MANBA: variants seen among roughly 807,000 people sequenced by gnomAD.
MANBA encodes mannosidase beta.
MANBA carries 83 observed loss-of-function variants against 111.1 expected under a neutral mutation model. The observed-to-expected ratio is 0.75, with a 90% CI of 0.63 to 0.90. The LOEUF is 0.90. Among genes scored for constraint, MANBA ranks in the 40% least tolerant of loss-of-function variants. The pLI is 0.00. For missense variants in MANBA, 1,036 were observed against 1,069.0 expected (o/e 0.97, Z 0.43); for synonymous variants, 370 against 378.7 (o/e 0.98, Z 0.27).
Position 102,723,810 on chromosome 4 carries a change from T to C in MANBA, c.378+52A>G, listed in dbSNP as rs564258027. 5.9e-6 allele frequency: 6 copies of C among 1,020,314 alleles called. No homozygotes were observed. In the South Asian group the frequency reaches 8.3e-5, roughly 14 times the overall value. 63.2% of individuals were successfully genotyped at this position (1,020,314 alleles called of 1,614,324 possible). On this transcript the variant is annotated intron_variant, in intron 3 of 16. Transcript: ENST00000647097. ...TACTTTTCTCTACTCACAAAAGCAA[T>C]TAACATAAACACACATAAATTTTTT... is the stretch of plus-strand genomic sequence containing the variant.
rs1733050724 is a variant in MANBA, at chr4:102,701,625, G to C, written c.674-10854C>G. Among the ~76,000 whole-genome samples, 7 of 151,642 alleles carry C rather than the reference G, an allele frequency of 4.6e-5. No homozygotes were observed. The South Asian group carries it at 1.5e-3, about 32-fold the overall frequency. ...ATTTCTCCTACACTTATGAAGCTTA[G>C]TTTGGCTGGATATGAAATTCTGGGT... On this transcript the variant is annotated intron_variant, in intron 5 of 16. Coordinates refer to ENST00000647097, the MANE Select transcript of MANBA (RefSeq NM_005908.4).
intron 7 of MANBA, among the ~76,000 whole-genome samples, chr4:102,687,993 T>C (rs1732294341): frequency 6.6e-6 from 1 of 152,300 alleles, no homozygotes; most frequent in African/African-American, 2.4e-5. Context: ...CTCCTGTTGC[T>C]GCTCGATTCA....
At chr4:102,697,918 C>G (rs1340243806) in intron 5 of MANBA, among the ~76,000 whole-genome samples, 1 of 151,688 alleles carries the variant, frequency 6.6e-6, no homozygotes. Flanking sequence ...TTCTAGATCC[C>G]TGAGGAATCG....
intron 5 of MANBA, among the ~76,000 whole-genome samples, chr4:102,705,341 C>T (rs1427995201): frequency 6.6e-6 from 1 of 152,180 alleles, no homozygotes. Context: ...TAAAGCAAGG[C>T]ACCATTTTGA....
At position 102,632,205 on chromosome 4, in the gene MANBA, T is replaced by A. The variant is rs759495723; in HGVS notation, c.2492A>T (p.Asp831Val). ...TSAVAPFVWL[D>V]VGSIPGRFSD... is the part of the protein sequence containing the mutation. Reference sequence around the variant, plus strand: ...AAATCTCCCTGGGATGCTTCCTACATCCAACCAAACAAAGGGAGCGACAGC... The same window carrying A: ...AAATCTCCCTGGGATGCTTCCTACAACCAACCAAACAAAGGGAGCGACAGC... The change falls in exon 17 of 17, where the codon GAT becomes GTT. Residue 831 changes from aspartate to valine, a missense_variant. Transcript: ENST00000647097. The A allele has an allele frequency of 6.2e-7, 1 of 1,613,018 alleles. No homozygotes were observed. The highest frequency in any genetic ancestry group is 8.5e-7 in the Non-Finnish European group (1 of 1,179,570).
At chr4:102,718,560 T>C (rs1722435905) in intron 4 of MANBA, among the ~76,000 whole-genome samples, 1 of 152,044 alleles carries the variant, frequency 6.6e-6, no homozygotes, top group Admixed American at 6.5e-5. Flanking sequence ...CATCAAACAC[T>C]GGTAAGAGGG....
chr4:102,632,350 C>A, intron 16 of MANBA, 69 bp from the exon 17 acceptor site: 2 of 1,231,070 alleles, frequency 1.6e-6, no homozygotes, highest in Non-Finnish European at 2.4e-6. Context: ...GTATACAGTT[C>A]CTGTAAACAT....
intron 13 of MANBA, among the ~76,000 whole-genome samples, chr4:102,643,346 C>T (rs1729962675): frequency 6.6e-6 from 1 of 152,154 alleles, no homozygotes. Context: ...ATGAACAATG[C>T]TGCTATGAAT....
chr4:102,750,159 T>G (rs934078236), intron 1 of MANBA, among the ~76,000 whole-genome samples: 2 of 152,194 alleles, frequency 1.3e-5, no homozygotes, highest in African/African-American at 4.8e-5. Flanking sequence ...TCACACCTGA[T>G]AGAAGCAGTC....
intron 1 of MANBA, among the ~76,000 whole-genome samples, chr4:102,746,521 C>T (rs1470229443): frequency 6.6e-6 from 1 of 152,150 alleles, no homozygotes; most frequent in Non-Finnish European, 1.5e-5. Flanking sequence ...TTATTATGTT[C>T]CTTGGTTCTC....
chr4:102,689,365 T>A (rs1182613563), intron 7 of MANBA, among the ~76,000 whole-genome samples: 17 of 90,650 alleles, frequency 1.9e-4, no homozygotes, highest in African/African-American at 5.7e-4. Flanking sequence ...AAAAAATATA[T>A]ATATATATAT....
At chr4:102,683,140 A>T (rs1055243798) in intron 7 of MANBA, among the ~76,000 whole-genome samples, 8 of 152,000 alleles carry the variant, frequency 5.3e-5, no homozygotes, top group African/African-American at 1.7e-4. Flanking sequence ...TGAAGACAGG[A>T]ATTTAAGAAA....
At chr4:102,730,227 G>A (rs1227914881) in intron 1 of MANBA, 34 of 588,812 alleles carry the variant, frequency 5.8e-5, no homozygotes, top group Non-Finnish European at 8.6e-5. Flanking sequence ...CCCAGAAGGA[G>A]TGGAGAAGCT....
intron 7 of MANBA, among the ~76,000 whole-genome samples, chr4:102,684,712 T>A (rs140703723): frequency 6.6e-6 from 1 of 152,236 alleles, no homozygotes; most frequent in East Asian, 1.9e-4. Context: ...CCGAACCCCA[T>A]ATATACTATG....
intron 13 of MANBA, among the ~76,000 whole-genome samples, chr4:102,641,582 G>C (rs1421460042): frequency 1.3e-5 from 2 of 152,124 alleles, no homozygotes; most frequent in African/African-American, 4.8e-5. Context: ...AGCAACAGTA[G>C]CTGGAAAAAA....
chr4:102,684,844 C>T (rs548495934), intron 7 of MANBA, among the ~76,000 whole-genome samples: 137 of 152,100 alleles, frequency 9.0e-4, no homozygotes, highest in Non-Finnish European at 1.7e-3. Context: ...CAGGACAGCA[C>T]GAGATGCCAT....
At chr4:102,709,467 A>C (rs1362600711) in intron 5 of MANBA, among the ~76,000 whole-genome samples, 2 of 152,006 alleles carry the variant, frequency 1.3e-5, no homozygotes, top group Non-Finnish European at 1.5e-5. Context: ...AGTGAACCTG[A>C]ACGACTAATA....
chr4:102,756,915 T>C (rs542341452), intron 1 of MANBA, among the ~76,000 whole-genome samples: 54 of 150,990 alleles, frequency 3.6e-4, no homozygotes, highest in Admixed American at 9.9e-4. Flanking sequence ...GCACTTAACA[T>C]AACATATGGA....
In MANBA at chr4:102,679,233, T is replaced by G. The variant is rs569829009; in HGVS notation, c.961-5163A>C. Among the ~76,000 whole-genome samples, 14 of 152,074 alleles carry G rather than the reference T, an allele frequency of 9.2e-5. No homozygotes were observed. The South Asian group carries it at 2.9e-3, about 32-fold the overall frequency. On this transcript the variant is annotated intron_variant, in intron 7 of 16. Coordinates refer to ENST00000647097, the MANE Select transcript of MANBA (RefSeq NM_005908.4). ...ACAGCACAACCAGAAGTTAACAGAT[T>G]AACATTGACATCGGCACAGTTATGC...
Sources: gnomAD v4.1 joint callset for allele counts (sites outside exome capture counted in the v4.1 genomes callset) on GRCh38, gnomAD v4.1.1 for gene constraint, MANE v1.5 for transcripts, NCBI Gene and HGNC (gene_info 2026-07-23, HGNC 2026-07-21) for gene names.